ZNF385D: variants seen among roughly 807,000 people sequenced by gnomAD.
ZNF385D encodes the protein zinc finger protein 659.
In ZNF385D, 15 loss-of-function variants were observed where a neutral mutation model predicts 35.8. That is an observed-to-expected ratio of 0.42 (90% CI 0.28 to 0.64). The LOEUF is 0.64. Among genes scored for constraint, ZNF385D ranks in the 30% least tolerant of loss-of-function variants. The probability of loss-of-function intolerance (pLI) is 0.23; values close to 1 mark genes in which losing one functional copy is unlikely to be tolerated. For synonymous variants in ZNF385D, 212 were observed against 186.8 expected (o/e 1.13, Z -1.10); for missense variants, 474 against 494.6 (o/e 0.96, Z 0.39).
intron 3 of ZNF385D, among the ~76,000 whole-genome samples, chr3:21,850,100 T>C (rs1327743728): frequency 1.3e-5 from 2 of 152,088 alleles, no homozygotes; most frequent in Non-Finnish European, 1.5e-5. Context: ...TAATTTATTA[T>C]CAATATGGAC....
chr3:21,963,462 A>C (rs1702709759), intron 3 of ZNF385D, among the ~76,000 whole-genome samples: 1 of 152,234 alleles, frequency 6.6e-6, no homozygotes, highest in Admixed American at 6.5e-5. Flanking sequence ...TTCTATCATT[A>C]TCCAAATTAA....
intron 3 of ZNF385D, among the ~76,000 whole-genome samples, chr3:22,095,698 T>G (rs1235033010): frequency 6.6e-6 from 1 of 152,068 alleles, no homozygotes; most frequent in African/African-American, 2.4e-5. Flanking sequence ...TTGTGAATAA[T>G]TGCTTTTAAA....
At chr3:22,170,252 G>A (rs1694320763) in intron 2 of ZNF385D, among the ~76,000 whole-genome samples, 1 of 152,140 alleles carries the variant, frequency 6.6e-6, no homozygotes, top group East Asian at 1.9e-4. Flanking sequence ...GAGTTAAACT[G>A]ACAAGCATCA....
intron 2 of ZNF385D, among the ~76,000 whole-genome samples, chr3:22,262,384 G>T (rs1232391499): frequency 6.6e-6 from 1 of 152,072 alleles, no homozygotes; most frequent in Admixed American, 6.6e-5. Context: ...TGGCTTTGGA[G>T]GAAGTTGATG....
chr3:22,163,060 C>T (rs1041252104), intron 3 of ZNF385D, among the ~76,000 whole-genome samples: 2 of 152,106 alleles, frequency 1.3e-5, no homozygotes, highest in Admixed American at 6.6e-5. Flanking sequence ...GAGATGTCTA[C>T]CCACTTTTGA....
At chr3:21,768,179 T>C (rs2070914505) in intron 3 of ZNF385D, among the ~76,000 whole-genome samples, 1 of 152,114 alleles carries the variant, frequency 6.6e-6, no homozygotes, top group South Asian at 2.1e-4. Flanking sequence ...TGCCTGCATT[T>C]TGATTATGAA....
intron 4 of ZNF385D, among the ~76,000 whole-genome samples, chr3:21,493,485 C>A (rs1345612626): frequency 6.6e-6 from 1 of 151,932 alleles, no homozygotes; most frequent in African/African-American, 2.4e-5. Flanking sequence ...AAATTGACAC[C>A]TTTGTATGAA....
intron 2 of ZNF385D, chr3:21,580,096 G>T (rs2063610199): frequency 6.6e-6 from 1 of 152,212 alleles, no homozygotes; most frequent in East Asian, 1.9e-4. Flanking sequence ...AGGCATAAGT[G>T]CTAGGATATC....
At chr3:21,484,296 T>C (rs1704863712) in intron 4 of ZNF385D, among the ~76,000 whole-genome samples, 1 of 152,126 alleles carries the variant, frequency 6.6e-6, no homozygotes, top group Admixed American at 6.6e-5. Context: ...AAGTGGTTCA[T>C]AGGAAAATGT....
intron 3 of ZNF385D, among the ~76,000 whole-genome samples, chr3:22,015,373 T>A (rs983979230): frequency 2.6e-5 from 4 of 152,170 alleles, no homozygotes; most frequent in African/African-American, 9.7e-5. Context: ...AACCCTCTCA[T>A]ATCATGAACA....
chr3:21,760,184 G>T (rs539316527), intron 3 of ZNF385D, among the ~76,000 whole-genome samples: 2 of 152,180 alleles, frequency 1.3e-5, no homozygotes, highest in South Asian at 2.1e-4. Context: ...TGGATAAAAT[G>T]ACCGGATGCC....
intron 2 of ZNF385D, among the ~76,000 whole-genome samples, chr3:22,261,799 C>A (rs1202083108): frequency 1.3e-5 from 2 of 148,500 alleles, no homozygotes; most frequent in South Asian, 5.0e-4. Flanking sequence ...AATAAGGTCT[C>A]TCTCTGAGTT....
chr3:21,807,085 T>C (rs1240531089), intron 3 of ZNF385D, among the ~76,000 whole-genome samples: 2 of 152,194 alleles, frequency 1.3e-5, no homozygotes, highest in African/African-American at 4.8e-5. Context: ...TTTAGAACAG[T>C]GCCATCCAGT....
intron 3 of ZNF385D, among the ~76,000 whole-genome samples, chr3:22,128,856 A>G (rs534511799): frequency 1.3e-5 from 2 of 152,290 alleles, no homozygotes; most frequent in Admixed American, 6.5e-5. Flanking sequence ...GAATGCTGAA[A>G]GGTCACATTT....
intron 2 of ZNF385D, among the ~76,000 whole-genome samples, chr3:22,350,221 T>C (rs961740729): frequency 6.6e-6 from 1 of 152,180 alleles, no homozygotes; most frequent in Non-Finnish European, 1.5e-5. Flanking sequence ...TTAATATTAG[T>C]TGCTTATAAC....
chr3:21,456,575 G>T (rs941672868), intron 4 of ZNF385D, among the ~76,000 whole-genome samples: 2 of 152,022 alleles, frequency 1.3e-5, no homozygotes, highest in African/African-American at 2.4e-5. Context: ...ATCACACACC[G>T]GGGCCTGTTG....
intron 3 of ZNF385D, among the ~76,000 whole-genome samples, chr3:22,011,083 C>G (rs1035436028): frequency 2.0e-5 from 3 of 152,118 alleles, no homozygotes; most frequent in Admixed American, 6.5e-5. Flanking sequence ...GTTAATGAAT[C>G]ATCCCCAAAT....
intron 4 of ZNF385D, among the ~76,000 whole-genome samples, chr3:21,458,201 G>A (rs754160809): frequency 1.3e-4 from 19 of 151,810 alleles, no homozygotes; most frequent in Non-Finnish European, 2.2e-4. Context: ...GGCTGGGCTC[G>A]GTTGCTCATA....
chr3:21,613,261 A>T (rs1487150219), intron 2 of ZNF385D, among the ~76,000 whole-genome samples: 4 of 152,028 alleles, frequency 2.6e-5, no homozygotes, highest in Non-Finnish European at 4.4e-5. Context: ...AACTTCCCCC[A>T]TGAGCCCTAT....
Sources: allele counts gnomAD v4.1 joint callset (sites outside exome capture counted in the v4.1 genomes callset), GRCh38; gene constraint gnomAD v4.1.1; transcripts MANE v1.5; gene names NCBI Gene and HGNC (gene_info 2026-07-23, HGNC 2026-07-21).